Variants in SYNJ1 observed in about 807,000 individuals in gnomAD.
The protein encoded by SYNJ1 is synaptojanin 1.
Under a neutral mutation model 168.2 loss-of-function variants are expected in SYNJ1, and 78 were observed. That is an observed-to-expected ratio of 0.46 (90% CI 0.39 to 0.56). SYNJ1 has a LOEUF of 0.56. SYNJ1 is among the 20% of genes least tolerant of loss of function. SYNJ1 has a pLI of 0.00. For synonymous variants in SYNJ1, 539 were observed against 548.6 expected, an observed-to-expected ratio of 0.98 and a Z score of 0.24; for missense variants, 1,303 against 1,597.6, an observed-to-expected ratio of 0.82 and a Z score of 3.14.
intron 27 of SYNJ1, 102 bp from the exon 28 acceptor site, chr21:32,642,235 G>A (rs1363641258): frequency 3.1e-6 from 4 of 1,304,202 alleles, no homozygotes; most frequent in Non-Finnish European, 4.4e-6. Flanking sequence ...GCAGAAATGG[G>A]GGCATGAGAT....
intron 32 of SYNJ1, among the ~76,000 whole-genome samples, chr21:32,632,899 A>T (rs2039401850): frequency 6.6e-6 from 1 of 152,120 alleles, no homozygotes; most frequent in African/African-American, 2.4e-5. Context: ...GCGCGCCTAT[A>T]ATCCCAGCTA....
intron 17 of SYNJ1, 107 bp downstream of exon 17, chr21:32,665,836 T>C: frequency 3.5e-6 from 4 of 1,132,470 alleles, no homozygotes; most frequent in Non-Finnish European, 4.9e-6. Context: ...ATATTCTTAA[T>C]GTTTCTAGGA....
chr21:32,678,568 T>C (rs2041501552), intron 12 of SYNJ1, 77 bp downstream of exon 12: 1 of 1,419,470 alleles, frequency 7.0e-7, no homozygotes, highest in African/African-American at 1.5e-5. Context: ...AACTAAAAAT[T>C]CTGTGTAAAT....
intron 6 of SYNJ1, among the ~76,000 whole-genome samples, chr21:32,691,692 T>C (rs1030167612): frequency 2.6e-5 from 4 of 152,234 alleles, no homozygotes; most frequent in African/African-American, 9.6e-5. Flanking sequence ...ACAATTCTTA[T>C]AATGCCTCAA....
chr21:32,667,306 A>T (rs1301207737), intron 15 of SYNJ1, among the ~76,000 whole-genome samples: 1 of 152,172 alleles, frequency 6.6e-6, no homozygotes, highest in Non-Finnish European at 1.5e-5. Context: ...ATGTCTTTTT[A>T]AAAAATCTTG....
chr21:32,703,628 T>C (rs1464570933), intron 2 of SYNJ1, among the ~76,000 whole-genome samples: 2 of 152,214 alleles, frequency 1.3e-5, no homozygotes, highest in African/African-American at 4.8e-5. Flanking sequence ...ACTAATATAG[T>C]AATATAGAAA....
intron 15 of SYNJ1, 141 bp from the exon 16 acceptor site, chr21:32,666,714 A>G (rs2145928270): frequency 1.2e-6 from 1 of 811,138 alleles, no homozygotes; most frequent in South Asian, 3.4e-5. Context: ...TTTCCTTTAA[A>G]AAGGAAAATC....
intron 29 of SYNJ1, among the ~76,000 whole-genome samples, chr21:32,641,589 G>A (rs2039838871): frequency 6.6e-6 from 1 of 151,924 alleles, no homozygotes; most frequent in Non-Finnish European, 1.5e-5. Flanking sequence ...AATTACTCAG[G>A]TAAAATGATA....
intron 1 of SYNJ1, 101 bp downstream of exon 1, chr21:32,727,845 C>T: frequency 6.7e-7 from 1 of 1,500,232 alleles, no homozygotes; most frequent in South Asian, 1.3e-5. Flanking sequence ...ACCGCTCCCG[C>T]TGACGCTGCG....
intron 2 of SYNJ1, among the ~76,000 whole-genome samples, chr21:32,715,749 T>C (rs2043002934): frequency 6.6e-6 from 1 of 152,180 alleles, no homozygotes; most frequent in Admixed American, 6.5e-5. Flanking sequence ...ACATTTAACA[T>C]ATAGAAATAT....
chr21:32,681,437 G>C (rs2146045845), intron 11 of SYNJ1, 59 bp downstream of exon 11: 1 of 1,502,124 alleles, frequency 6.7e-7, no homozygotes, highest in South Asian at 1.4e-5. Context: ...CCATTTAAAA[G>C]CTTTATGAAG....
At chr21:32,695,680 T>C (rs899699629) in intron 4 of SYNJ1, among the ~76,000 whole-genome samples, 51 of 150,702 alleles carry the variant, frequency 3.4e-4, no homozygotes, top group African/African-American at 1.2e-3. Flanking sequence ...TATTTATTTT[T>C]GAGATGGAGT....
chr21:32,664,298 G>A (rs1038177577), intron 18 of SYNJ1, among the ~76,000 whole-genome samples: 2 of 152,136 alleles, frequency 1.3e-5, no homozygotes, highest in Non-Finnish European at 2.9e-5. Context: ...GTTCTCAAAG[G>A]GGGGAATAAG....
chr21:32,723,090 T>C (rs976565457), intron 2 of SYNJ1, among the ~76,000 whole-genome samples: 1 of 152,218 alleles, frequency 6.6e-6, no homozygotes, highest in Non-Finnish European at 1.5e-5. Flanking sequence ...ACTGTAACAC[T>C]GATAATGTCA....
intron 2 of SYNJ1, among the ~76,000 whole-genome samples, chr21:32,706,559 TTA>T (rs1398314534): frequency 6.6e-6 from 1 of 151,992 alleles, no homozygotes; most frequent in Non-Finnish European, 1.5e-5. Flanking sequence ...CAACCTTTCT[TTA>T]TGTTTTAAAT....
chr21:32,708,578 G>A (rs1024028820), intron 2 of SYNJ1, among the ~76,000 whole-genome samples: 3 of 152,208 alleles, frequency 2.0e-5, no homozygotes, highest in African/African-American at 7.2e-5. Flanking sequence ...AAGGCGGCCT[G>A]CACCGCATTA....
chr21:32,662,660 G>A (rs1176864767), intron 18 of SYNJ1, among the ~76,000 whole-genome samples: 1 of 152,160 alleles, frequency 6.6e-6, no homozygotes, highest in Non-Finnish European at 1.5e-5. Flanking sequence ...AGTTAGGAAG[G>A]GGTGTGGCTT....
At chr21:32,716,876 T>C (rs1284861809) in intron 2 of SYNJ1, among the ~76,000 whole-genome samples, 1 of 152,218 alleles carries the variant, frequency 6.6e-6, no homozygotes, top group African/African-American at 2.4e-5. Context: ...TTTCTATTAC[T>C]ATGTCTTCAA....
chr21:32,704,484 G>A (rs1290344078), intron 2 of SYNJ1, among the ~76,000 whole-genome samples: 1 of 152,154 alleles, frequency 6.6e-6, no homozygotes, highest in Non-Finnish European at 1.5e-5. Flanking sequence ...CCCAGTAATG[G>A]CCACTAGGAG....
Sources: allele counts gnomAD v4.1 joint callset (sites outside exome capture counted in the v4.1 genomes callset), GRCh38; gene constraint gnomAD v4.1.1; transcripts MANE v1.5; gene names NCBI Gene and HGNC (gene_info 2026-07-23, HGNC 2026-07-21).